The following QTMAN variants were observed in gnomAD, a reference collection of about 807,000 sequenced individuals.
QTMAN encodes tRNA-queuosine alpha-mannosyltransferase.
At chr2:144,007,391 A>G in the QTMAN span, 369 of 1,613,350 alleles carry the variant, frequency 2.3e-4, no homozygotes, top group Non-Finnish European at 2.9e-4. Context: ...AGTGTGTATC[A>G]CACTCTGAAT....
At chr2:144,120,063 T>C in the QTMAN span, among the ~76,000 whole-genome samples, 1 of 152,202 alleles carries the variant, frequency 6.6e-6, no homozygotes, top group Admixed American at 6.5e-5. Flanking sequence ...TGATAAATCT[T>C]CAGAAATTTT....
the QTMAN span, among the ~76,000 whole-genome samples, chr2:144,112,462 A>T: frequency 6.6e-6 from 1 of 152,392 alleles, no homozygotes. Context: ...TAAAGAAGTC[A>T]GCAACCTGGA....
the QTMAN span, among the ~76,000 whole-genome samples, chr2:144,294,923 G>A: frequency 4.6e-5 from 7 of 152,172 alleles, no homozygotes; most frequent in Non-Finnish European, 8.8e-5. Flanking sequence ...TCCTAGTTAG[G>A]GGATTAAAGG....
chr2:144,328,284 C>T, the QTMAN span, among the ~76,000 whole-genome samples: 4 of 152,040 alleles, frequency 2.6e-5, no homozygotes, highest in East Asian at 3.9e-4. Flanking sequence ...AAAAAATTAT[C>T]GTCTGTTTAA....
the QTMAN span, chr2:144,007,363 G>A: frequency 4.4e-5 from 71 of 1,613,120 alleles, no homozygotes; most frequent in South Asian, 5.5e-5. Flanking sequence ...TATTCTTGTC[G>A]TGCAGTATCA....
the QTMAN span, among the ~76,000 whole-genome samples, chr2:144,222,877 C>T: frequency 7.9e-5 from 12 of 152,182 alleles, 1 homozygote; most frequent in Admixed American, 2.0e-4. Context: ...TGTTAAAAAA[C>T]GGAGCGAGGA....
the QTMAN span, among the ~76,000 whole-genome samples, chr2:144,109,072 C>T: frequency 6.6e-6 from 1 of 151,808 alleles, no homozygotes; most frequent in African/African-American, 2.4e-5. Context: ...CTTTAAAGTT[C>T]GTATGGAACC....
the QTMAN span, among the ~76,000 whole-genome samples, chr2:144,069,068 C>T: frequency 1.3e-5 from 2 of 152,092 alleles, no homozygotes; most frequent in African/African-American, 4.8e-5. Flanking sequence ...ATGGAAAGTA[C>T]GGCTAAAATC....
chr2:144,077,588 T>C, the QTMAN span, among the ~76,000 whole-genome samples: 1 of 152,244 alleles, frequency 6.6e-6, no homozygotes, highest in African/African-American at 2.4e-5. Context: ...AAATCAGCAA[T>C]TGCTTTTTCA....
the QTMAN span, among the ~76,000 whole-genome samples, chr2:144,330,549 T>C: frequency 6.6e-6 from 1 of 152,218 alleles, no homozygotes. Flanking sequence ...CGCAAGATAA[T>C]TGCTAATTCA....
chr2:144,323,656 A>G, the QTMAN span, among the ~76,000 whole-genome samples: 2 of 152,222 alleles, frequency 1.3e-5, no homozygotes, highest in Admixed American at 6.5e-5. Flanking sequence ...TTAAGGAAAC[A>G]CTAAAAGCTA....
the QTMAN span, among the ~76,000 whole-genome samples, chr2:144,234,660 T>A: frequency 2.0e-5 from 3 of 152,148 alleles, no homozygotes; most frequent in African/African-American, 4.8e-5. Flanking sequence ...AGAAGACCAA[T>A]AGCTGTTATA....
At chr2:144,175,213 C>T in the QTMAN span, among the ~76,000 whole-genome samples, 4 of 151,916 alleles carry the variant, frequency 2.6e-5, no homozygotes, top group South Asian at 2.1e-4. Flanking sequence ...AGCAAAGGAA[C>T]AAAGAACAAG....
At chr2:144,216,983 A>G in the QTMAN span, among the ~76,000 whole-genome samples, 1 of 152,284 alleles carries the variant, frequency 6.6e-6, no homozygotes, top group African/African-American at 2.4e-5. Flanking sequence ...ACATTTTTAA[A>G]TACTTTCTGC....
chr2:144,283,130 G>A, the QTMAN span, among the ~76,000 whole-genome samples: 1 of 152,118 alleles, frequency 6.6e-6, no homozygotes, highest in Non-Finnish European at 1.5e-5. Context: ...TGAGTTCTGT[G>A]AGCTGATCCC....
chr2:144,054,060 C>T, the QTMAN span, among the ~76,000 whole-genome samples: 20 of 152,024 alleles, frequency 1.3e-4, no homozygotes, highest in African/African-American at 4.8e-4. Flanking sequence ...GGGTGGTGGG[C>T]GCCTGTAGTC....
the QTMAN span, among the ~76,000 whole-genome samples, chr2:144,054,497 C>A: frequency 1.3e-5 from 2 of 152,126 alleles, no homozygotes; most frequent in Non-Finnish European, 2.9e-5. Flanking sequence ...AGTAGCAGAA[C>A]CCCTAAAGAC....
At chr2:143,954,213 G>T in the QTMAN span, among the ~76,000 whole-genome samples, 16 of 152,072 alleles carry the variant, frequency 1.1e-4, no homozygotes, top group South Asian at 3.1e-3. Flanking sequence ...ATAAACCAGT[G>T]ATACTCTTTA....
chr2:144,157,934 A>ACG, the QTMAN span, among the ~76,000 whole-genome samples: 1 of 151,962 alleles, frequency 6.6e-6, no homozygotes, highest in Non-Finnish European at 1.5e-5. Context: ...TAAATGGCTG[A>ACG]CGTTCTATGA....
Sources: allele counts gnomAD v4.1 joint callset (sites outside exome capture counted in the v4.1 genomes callset), GRCh38; gene constraint gnomAD v4.1.1; transcripts MANE v1.5; gene names NCBI Gene and HGNC (gene_info 2026-07-23, HGNC 2026-07-21).